Variants in FAM78B observed in about 807,000 individuals in gnomAD.
FAM78B encodes protein FAM78B.
Under a neutral mutation model 20.0 loss-of-function variants are expected in FAM78B, and 10 were observed. That is an observed-to-expected ratio of 0.50 (90% CI 0.31 to 0.85). The LOEUF is 0.85. Among genes scored for constraint, FAM78B ranks in the 40% least tolerant of loss-of-function variants. The pLI, the probability that FAM78B is intolerant of heterozygous loss-of-function variation, is 0.05. For synonymous variants in FAM78B, 135 were observed against 132.8 expected, an observed-to-expected ratio of 1.02 and a Z score of -0.12; for missense variants, 283 against 345.0, an observed-to-expected ratio of 0.82 and a Z score of 1.42.
intron 1 of FAM78B, among the ~76,000 whole-genome samples, chr1:166,154,095 CCA>C (rs1373423533): frequency 6.6e-6 from 1 of 152,244 alleles, no homozygotes; most frequent in Non-Finnish European, 1.5e-5. Flanking sequence ...CTGTTCTGCT[CCA>C]CAGAGGCCTC....
chr1:166,085,958 TCAGGTATTATTAATA>T (rs1459328737), intron 1 of FAM78B, among the ~76,000 whole-genome samples: 4 of 152,200 alleles, frequency 2.6e-5, no homozygotes, highest in African/African-American at 9.6e-5. Flanking sequence ...ATCTCAAATG[TCAGGTATTATTAATA>T]CTGCTACTAC....
At chr1:166,090,598 A>C (rs911952410) in intron 1 of FAM78B, among the ~76,000 whole-genome samples, 2 of 152,204 alleles carry the variant, frequency 1.3e-5, no homozygotes, top group African/African-American at 4.8e-5. Flanking sequence ...AAGCCACCTC[A>C]GAGATATGGC....
At chr1:166,074,460 T>A (rs992788932) in intron 1 of FAM78B, among the ~76,000 whole-genome samples, 1 of 152,224 alleles carries the variant, frequency 6.6e-6, no homozygotes, top group Admixed American at 6.5e-5. Flanking sequence ...AGATTACAGG[T>A]TTCTTGAGCC....
rs1651959609 is a variant in FAM78B, at chr1:166,070,091, G to A, written c.*150C>T. The A allele has an allele frequency of 7.4e-7, 1 of 1,344,478 alleles. No individual in the cohort carries two copies. The highest frequency in any genetic ancestry group is 9.6e-7 in the Non-Finnish European group (1 of 1,042,194). 83.3% of individuals were successfully genotyped at this position (1,344,478 alleles called of 1,614,324 possible). A position where few individuals can be genotyped will look rare whatever the true frequency, so the allele number is the denominator to read the frequency against. ...GGATTATGGTTCTACCACCCAAGGA[G>A]CAGCCCTACTCTTCAAAAGTGGCTG... On this transcript the variant is annotated 3_prime_UTR_variant, in exon 2 of 2. Transcript: ENST00000354422.
chr1:166,165,458 G>A (rs916127024), intron 1 of FAM78B, among the ~76,000 whole-genome samples: 1 of 152,104 alleles, frequency 6.6e-6, no homozygotes, highest in African/African-American at 2.4e-5. Flanking sequence ...GGGGGACAAG[G>A]GTTCGAAACT....
At chr1:166,063,679 G>A (rs761626808) in intron 2 of FAM78B, among the ~76,000 whole-genome samples, 13 of 152,104 alleles carry the variant, frequency 8.5e-5, no homozygotes, top group Non-Finnish European at 1.5e-4. Flanking sequence ...TAGTAATGCT[G>A]GCCCTAGGCT....
rs187700322 is a variant in FAM78B at position 166,136,988 on chromosome 1, T to C, written c.263+28998A>G. ...GTGTTATTACATTCTGTGAGGATACTAAGCTCCTAATGGAAAGAGAAGGGG... is the reference window on the plus strand; with the variant it reads ...GTGTTATTACATTCTGTGAGGATACCAAGCTCCTAATGGAAAGAGAAGGGG... On this transcript the variant is annotated intron_variant, in intron 1 of 1. Coordinates refer to ENST00000354422, the MANE Select transcript of FAM78B (RefSeq NM_001017961.5). 7.8e-4 allele frequency among the ~76,000 whole-genome samples: 119 copies of C among 152,346 alleles called. 1 individual carries two copies. The highest frequency in any genetic ancestry group is 2.9e-4 in the Non-Finnish European group (20 of 68,032).
chr1:166,086,801 G>C (rs563746027), intron 1 of FAM78B, among the ~76,000 whole-genome samples: 2 of 152,152 alleles, frequency 1.3e-5, no homozygotes, highest in Admixed American at 6.5e-5. Context: ...AGGAGTGCCT[G>C]TCTGCAGTTG....
At chr1:166,125,633 C>A (rs1457413529) in intron 1 of FAM78B, among the ~76,000 whole-genome samples, 3 of 152,022 alleles carry the variant, frequency 2.0e-5, no homozygotes, top group African/African-American at 2.4e-5. Flanking sequence ...ATTCAAATAC[C>A]AAATACCCAA....
At chr1:166,083,532 T>A (rs1296511568) in intron 1 of FAM78B, among the ~76,000 whole-genome samples, 2 of 152,144 alleles carry the variant, frequency 1.3e-5, no homozygotes, top group Non-Finnish European at 2.9e-5. Flanking sequence ...TGAAATGCAG[T>A]TTTGCTCGGT....
intron 1 of FAM78B, among the ~76,000 whole-genome samples, chr1:166,144,692 G>A (rs1042053822): frequency 9.9e-5 from 15 of 152,084 alleles, no homozygotes; most frequent in African/African-American, 3.4e-4. Flanking sequence ...TCAAACCTCA[G>A]CTATTTTCTC....
intron 1 of FAM78B, among the ~76,000 whole-genome samples, chr1:166,152,851 T>C (rs1655736258): frequency 6.6e-6 from 1 of 152,058 alleles, no homozygotes; most frequent in Admixed American, 6.6e-5. Flanking sequence ...CTAATTTTTG[T>C]ATTTTTAGTA....
intron 2 of FAM78B, among the ~76,000 whole-genome samples, chr1:166,060,963 G>A (rs1353244057): frequency 1.3e-5 from 2 of 151,824 alleles, no homozygotes; most frequent in Non-Finnish European, 2.9e-5. Flanking sequence ...CTCAGAAATG[G>A]GGGGGAAGTT....
chr1:166,073,328 A>G (rs1196164213), intron 1 of FAM78B, among the ~76,000 whole-genome samples: 1 of 152,216 alleles, frequency 6.6e-6, no homozygotes, highest in Non-Finnish European at 1.5e-5. Context: ...CCATAGCCCT[A>G]GGGAATTAGG....
At chr1:166,084,231 ACACACACTCTCTCTCT>A (rs1350532619) in intron 1 of FAM78B, among the ~76,000 whole-genome samples, 4 of 128,638 alleles carry the variant, frequency 3.1e-5, no homozygotes, top group Admixed American at 8.6e-5. Flanking sequence ...ACACACACAC[ACACACACTCTCTCTCT>A]CTCTCTCTCT....
intron 1 of FAM78B, among the ~76,000 whole-genome samples, chr1:166,122,300 C>T (rs1293157526): frequency 5.9e-5 from 9 of 152,088 alleles, no homozygotes; most frequent in Non-Finnish European, 1.5e-5. Context: ...ATGGAAAACA[C>T]CCCAGATGAG....
At position 166,081,985 on chromosome 1, in the gene FAM78B, C is replaced by T. The variant is rs373996992; in HGVS notation, c.264-11222G>A. Among the ~76,000 whole-genome samples, 18 of 152,262 alleles carry T rather than the reference C, an allele frequency of 1.2e-4. No homozygotes were observed. The East Asian group carries it at 1.7e-3, about 15-fold the overall frequency. ...TGTCTCTTCTGTCTAACCCCATGGC[C>T]GCCACCCTTCTCCAAGCCATTTCTC... On this transcript the variant is annotated intron_variant, in intron 1 of 1. Coordinates refer to ENST00000354422, the MANE Select transcript of FAM78B (RefSeq NM_001017961.5).
At chr1:166,106,653 G>C (rs2101752581) in intron 1 of FAM78B, among the ~76,000 whole-genome samples, 1 of 152,250 alleles carries the variant, frequency 6.6e-6, no homozygotes, top group East Asian at 1.9e-4. Context: ...TCACTGCTAA[G>C]TAGGAGCTAA....
chr1:166,074,120 C>T (rs1243948693), intron 1 of FAM78B, among the ~76,000 whole-genome samples: 1 of 152,220 alleles, frequency 6.6e-6, no homozygotes, highest in African/African-American at 2.4e-5. Context: ...TCTTTCTATA[C>T]ATAAAATCCT....
Sources: allele counts gnomAD v4.1 joint callset (sites outside exome capture counted in the v4.1 genomes callset), GRCh38; gene constraint gnomAD v4.1.1; transcripts MANE v1.5; gene names NCBI Gene and HGNC (gene_info 2026-07-23, HGNC 2026-07-21).